Variants in METTL15 observed in about 807,000 individuals in gnomAD.
METTL15 encodes the protein 12S rRNA N(4)-cytidine methyltransferase METTL15.
A neutral mutation model predicts 38.3 loss-of-function variants in METTL15; 34 were observed. The ratio of observed to expected loss-of-function variants is 0.89; its 90% CI spans 0.68 to 1.18. METTL15 has a LOEUF of 1.18. METTL15 is among the 50% of genes most tolerant of loss of function. METTL15 has a pLI of 0.00. For missense variants in METTL15, 438 were observed against 498.4 expected, an observed-to-expected ratio of 0.88 and a Z score of 1.15; for synonymous variants, 162 against 170.9, an observed-to-expected ratio of 0.95 and a Z score of 0.41.
chr11:28,372,884 C>T (rs866990838), intron 5 of METTL15, among the ~76,000 whole-genome samples: 22 of 145,518 alleles, frequency 1.5e-4, no homozygotes, highest in South Asian at 2.2e-4. Flanking sequence ...GTTTTTTGTT[C>T]TTGCGATAGT....
intron 5 of METTL15, among the ~76,000 whole-genome samples, chr11:28,376,251 A>C (rs1850310314): frequency 6.6e-6 from 1 of 151,912 alleles, no homozygotes; most frequent in Non-Finnish European, 1.5e-5. Context: ...TGGTCTGTCT[A>C]ATGTTGACAG....
At chr11:28,492,527 C>A (rs1001758914) in intron 6 of METTL15, among the ~76,000 whole-genome samples, 1 of 151,422 alleles carries the variant, frequency 6.6e-6, no homozygotes, top group African/African-American at 2.4e-5. Context: ...GAGCCACACA[C>A]ACACACACAC....
chr11:28,306,271 C>T (rs1447045560), intron 6 of METTL15, among the ~76,000 whole-genome samples: 2 of 152,046 alleles, frequency 1.3e-5, no homozygotes, highest in African/African-American at 2.4e-5. Context: ...GACCTGCTGG[C>T]ATTGTATGTT....
At chr11:28,272,570 G>A (rs375889241) in intron 4 of METTL15, among the ~76,000 whole-genome samples, 4 of 152,236 alleles carry the variant, frequency 2.6e-5, no homozygotes, top group African/African-American at 9.6e-5. Flanking sequence ...GCCTGCCAGG[G>A]GGTGTGCGTT....
chr11:28,282,285 G>T (rs564586315), intron 4 of METTL15, among the ~76,000 whole-genome samples: 1 of 152,160 alleles, frequency 6.6e-6, no homozygotes, highest in Non-Finnish European at 1.5e-5. Context: ...CTACTTAGGA[G>T]TTGTACTGTC....
intron 6 of METTL15, among the ~76,000 whole-genome samples, chr11:28,504,749 A>T (rs1218932049): frequency 6.6e-6 from 1 of 152,226 alleles, no homozygotes; most frequent in Admixed American, 6.5e-5. Flanking sequence ...CGTGATGCAC[A>T]TATGTTAAGG....
At chr11:28,435,732 T>C (rs1026392872) in intron 6 of METTL15, among the ~76,000 whole-genome samples, 2 of 152,216 alleles carry the variant, frequency 1.3e-5, no homozygotes, top group African/African-American at 4.8e-5. Context: ...TGGATTCTAC[T>C]TCATGATATA....
At chr11:28,467,786 A>C (rs376276257) in intron 6 of METTL15, among the ~76,000 whole-genome samples, 15 of 152,242 alleles carry the variant, frequency 9.9e-5, no homozygotes, top group African/African-American at 3.4e-4. Flanking sequence ...AAATAAATTA[A>C]CTTTTTTGGA....
intron 6 of METTL15, among the ~76,000 whole-genome samples, chr11:28,313,699 TA>T (rs957719695): frequency 6.6e-6 from 1 of 152,010 alleles, no homozygotes; most frequent in African/African-American, 2.4e-5. Context: ...ACTATTTTAT[TA>T]TATTACTTAA....
intron 4 of METTL15, among the ~76,000 whole-genome samples, chr11:28,212,274 G>A (rs2133842581): frequency 6.6e-6 from 1 of 152,054 alleles, no homozygotes; most frequent in African/African-American, 2.4e-5. Context: ...CCTACCATTT[G>A]ACCGCAGATT....
chr11:28,392,447 A>T (rs1850519638), intron 5 of METTL15, among the ~76,000 whole-genome samples: 1 of 152,086 alleles, frequency 6.6e-6, no homozygotes, highest in African/African-American at 2.4e-5. Context: ...ATATGGTCAA[A>T]TGATCTTAAA....
intron 6 of METTL15, among the ~76,000 whole-genome samples, chr11:28,319,132 C>T (rs537385890): frequency 5.5e-4 from 83 of 152,222 alleles, no homozygotes; most frequent in Admixed American, 1.2e-3. Context: ...TCTTGCAACT[C>T]GATGCATAGT....
chr11:28,244,169 A>C (rs1028966757), intron 4 of METTL15, among the ~76,000 whole-genome samples: 4 of 152,234 alleles, frequency 2.6e-5, no homozygotes, highest in African/African-American at 9.6e-5. Flanking sequence ...GCAGAATTCT[A>C]GATCTTGGTT....
Position 28,332,960 on chromosome 11 carries a change from A to T in METTL15, c.*2119A>T, listed in dbSNP as rs1397446999. ...TCAAAAAAAAAAAAAAAAAGGAAGAAAGAGAAGATAGAGACACAGGGGAGA... is the reference window on the plus strand; with the variant it reads ...TCAAAAAAAAAAAAAAAAAGGAAGATAGAGAAGATAGAGACACAGGGGAGA... On this transcript the variant is annotated 3_prime_UTR_variant, in exon 7 of 7. Coordinates refer to ENST00000407364, the MANE Select transcript of METTL15 (RefSeq NM_001113528.2). The T allele has an allele frequency of 7.5e-6, 1 of 133,066 alleles. No individual in the cohort carries two copies. The highest frequency in any genetic ancestry group is 1.6e-5 in the Non-Finnish European group (1 of 64,160). The allele number at this position is 133,066 out of a possible 1,614,324, so 8.2% of individuals were successfully genotyped here. A position where few individuals can be genotyped will look rare whatever the true frequency, so the allele number is the denominator to read the frequency against.
chr11:28,473,720 T>C lies in METTL15; in HGVS notation c.*424+49356T>C, dbSNP rs989713038. Reference sequence around the variant, plus strand: ...AGGAGATAAAGAATGGCATTCAAGCTTCTCCACAATTTTGCATTTGCTTCA... The same window carrying C: ...AGGAGATAAAGAATGGCATTCAAGCCTCTCCACAATTTTGCATTTGCTTCA... On this transcript the variant is annotated intron_variant and NMD_transcript_variant, in intron 6 of 7. Coordinates refer to the METTL15 transcript ENST00000532947. 2.0e-5 allele frequency among the ~76,000 whole-genome samples: 3 copies of C among 152,240 alleles called. No homozygotes were observed. The East Asian group carries it at 5.8e-4, about 29-fold the overall frequency.
chr11:28,124,304 A>G (rs1332758733), intron 3 of METTL15, among the ~76,000 whole-genome samples: 1 of 152,072 alleles, frequency 6.6e-6, no homozygotes, highest in Non-Finnish European at 1.5e-5. Context: ...TAACGTTACT[A>G]GAGAATAGAT....
intron 5 of METTL15, among the ~76,000 whole-genome samples, chr11:28,391,911 A>G (rs1300124171): frequency 6.6e-6 from 1 of 152,238 alleles, no homozygotes; most frequent in Non-Finnish European, 1.5e-5. Flanking sequence ...ATGGGTAAGG[A>G]CTTCATGTCT....
At chr11:28,147,311 TGCTAAAG>T (rs927156364) in intron 3 of METTL15, among the ~76,000 whole-genome samples, 1 of 151,868 alleles carries the variant, frequency 6.6e-6, no homozygotes, top group Non-Finnish European at 1.5e-5. Flanking sequence ...TCAGGCGTTA[TGCTAAAG>T]GAAAATTCAG....
chr11:28,461,210 C>T (rs966436691), intron 6 of METTL15, among the ~76,000 whole-genome samples: 17 of 152,002 alleles, frequency 1.1e-4, no homozygotes, highest in Non-Finnish European at 2.2e-4. Flanking sequence ...ATTTCTTCCT[C>T]GTTTTGATTA....
Sources: gnomAD v4.1 joint callset for allele counts (sites outside exome capture counted in the v4.1 genomes callset) on GRCh38, gnomAD v4.1.1 for gene constraint, MANE v1.5 for transcripts, NCBI Gene and HGNC (gene_info 2026-07-23, HGNC 2026-07-21) for gene names.